Variants in PDE4D observed in about 807,000 individuals in gnomAD.
PDE4D encodes 3',5'-cyclic-AMP phosphodiesterase 4D.
In PDE4D, 24 loss-of-function variants were observed where a neutral mutation model predicts 87.4. The observed-to-expected ratio is 0.27, with a 90% CI of 0.20 to 0.39. The LOEUF is 0.39. PDE4D is among the 10% of genes least tolerant of loss of function. The pLI, the probability that PDE4D is intolerant of heterozygous loss-of-function variation, is 1.00. For missense variants in PDE4D, 714 were observed against 1,041.0 expected (o/e 0.69, Z 4.32); for synonymous variants, 384 against 383.2 (o/e 1.00, Z -0.02).
chr5:59,376,264 C>G (rs191769061), intron 1 of PDE4D, among the ~76,000 whole-genome samples: 1 of 152,132 alleles, frequency 6.6e-6, no homozygotes, highest in African/African-American at 2.4e-5. Context: ...GCAGATTACA[C>G]GATCCTATAT....
At chr5:60,160,715 C>T (rs957731462) in intron 2 of PDE4D, 7 of 390,512 alleles carry the variant, frequency 1.8e-5, no homozygotes, top group Admixed American at 9.9e-5. Context: ...GTTCTATGGA[C>T]TCTTACTTTT....
chr5:60,045,238 G>C (rs1769066787), intron 2 of PDE4D, among the ~76,000 whole-genome samples: 2 of 151,986 alleles, frequency 1.3e-5, no homozygotes, highest in South Asian at 4.2e-4. Flanking sequence ...ATTTGTTTGA[G>C]TTCATTGTAG....
intron 1 of PDE4D, among the ~76,000 whole-genome samples, chr5:59,469,671 T>C (rs970311381): frequency 2.0e-5 from 3 of 152,128 alleles, no homozygotes; most frequent in Admixed American, 1.3e-4. Context: ...ACTTCCTCCA[T>C]AGGAAATGAT....
chr5:59,748,390 T>C (rs1015227265), intron 1 of PDE4D, among the ~76,000 whole-genome samples: 1 of 152,104 alleles, frequency 6.6e-6, no homozygotes, highest in Non-Finnish European at 1.5e-5. Context: ...AGCAAAGACT[T>C]GGAACCAACC....
chr5:59,192,052 G>T (rs551969477), intron 3 of PDE4D, among the ~76,000 whole-genome samples: 2 of 152,038 alleles, frequency 1.3e-5, no homozygotes, highest in Non-Finnish European at 2.9e-5. Flanking sequence ...AAAGGATGGT[G>T]ATTGTATTTT....
chr5:59,838,860 G>A (rs940525287), intron 1 of PDE4D, among the ~76,000 whole-genome samples: 2 of 151,972 alleles, frequency 1.3e-5, no homozygotes, highest in Non-Finnish European at 2.9e-5. Flanking sequence ...ACAAACAGAT[G>A]TCTATTCTTT....
Position 59,090,426 on chromosome 5 carries a change from C to T in PDE4D, c.809-51455G>A, listed in dbSNP as rs538679071. Among the ~76,000 whole-genome samples, 7 of 152,168 alleles carry T rather than the reference C, an allele frequency of 4.6e-5. No individual in the cohort carries two copies. In the South Asian group the frequency reaches 1.5e-3, roughly 32 times the overall value. On this transcript the variant is annotated intron_variant, in intron 5 of 14. Transcript: ENST00000340635. ...CTCCACAGGGAGATATGTTTCCTCC[C>T]GTGATATAGAGGATGTTGATTCACT...
chr5:60,036,151 C>T (rs1305286717), intron 2 of PDE4D, among the ~76,000 whole-genome samples: 5 of 152,118 alleles, frequency 3.3e-5, no homozygotes, highest in Non-Finnish European at 7.4e-5. Flanking sequence ...TTCATGTGAA[C>T]CTGATAGATT....
chr5:59,266,555 C>T lies in PDE4D; in HGVS notation c.456-50587G>A, dbSNP rs75490393. 9.1e-4 allele frequency among the ~76,000 whole-genome samples: 138 copies of T among 151,802 alleles called. 1 individual carries two copies. In the East Asian group the frequency reaches 0.017, roughly 19 times the overall value. On this transcript the variant is annotated intron_variant, in intron 1 of 14. Coordinates refer to ENST00000340635, the MANE Select transcript of PDE4D (RefSeq NM_001104631.2). ...AGAGGAAGAGAGTCAATAAGCTGAACGAGTCAGGAACTAGCTAGATCTCCA... is the reference window on the plus strand; with the variant it reads ...AGAGGAAGAGAGTCAATAAGCTGAATGAGTCAGGAACTAGCTAGATCTCCA...
intron 2 of PDE4D, among the ~76,000 whole-genome samples, chr5:60,008,193 C>T (rs1246363237): frequency 6.6e-6 from 1 of 151,882 alleles, no homozygotes; most frequent in African/African-American, 2.4e-5. Context: ...TCTCTCCAAC[C>T]CCAACCTTGT....
At chr5:59,038,723 TA>T in intron 6 of PDE4D, 135 bp downstream of exon 6, 1 of 789,572 alleles carries the variant, frequency 1.3e-6, no homozygotes, top group Non-Finnish European at 1.8e-6. Flanking sequence ...AACCTCCCTC[TA>T]AGGAGCAGAA....
rs144883368 is a variant in PDE4D, at chr5:60,197,187, T to C, written c.-89-11500A>G. Reference sequence around the variant, plus strand: ...GGTGAGAGTGAGGAATAGTGAGAAATTGAGAAAGACAATCCATGTTATAGA... The same window carrying C: ...GGTGAGAGTGAGGAATAGTGAGAAACTGAGAAAGACAATCCATGTTATAGA... On this transcript the variant is annotated intron_variant, in intron 1 of 16. Coordinates refer to the PDE4D transcript ENST00000502484. Among the ~76,000 whole-genome samples the C allele has an allele frequency of 6.1e-3, 921 of 151,422 alleles. 32 individuals carry two copies. Among genetic ancestry groups the C allele is most frequent in the Non-Finnish European group, 0.011 (730 of 67,618 alleles).
intron 1 of PDE4D, among the ~76,000 whole-genome samples, chr5:59,216,175 G>C (rs1751214018): frequency 6.6e-6 from 1 of 152,172 alleles, no homozygotes; most frequent in Non-Finnish European, 1.5e-5. Flanking sequence ...GGATACTGTT[G>C]TTAACTGACC....
chr5:60,471,251 T>C lies in PDE4D; in HGVS notation c.-90+16691A>G, dbSNP rs185820806. 5.3e-5 allele frequency among the ~76,000 whole-genome samples: 8 copies of C among 152,264 alleles called. No individual in the cohort carries two copies. In the East Asian group the frequency reaches 1.5e-3, roughly 29 times the overall value. On this transcript the variant is annotated intron_variant, in intron 1 of 16. Transcript: ENST00000502484. ...TAGAAGTGGAGCCTGAAGATGTGAT[T>C]GAATTTCTGCAATCCCATGATAAAA...
intron 1 of PDE4D, among the ~76,000 whole-genome samples, chr5:59,487,628 A>G (rs982179168): frequency 6.6e-6 from 1 of 152,222 alleles, no homozygotes; most frequent in Non-Finnish European, 1.5e-5. Context: ...ATAAACTAAG[A>G]TAGCACTAAT....
chr5:60,455,765 C>T (rs1746423360), intron 1 of PDE4D, among the ~76,000 whole-genome samples: 1 of 152,100 alleles, frequency 6.6e-6, no homozygotes. Context: ...GCATTAGAGT[C>T]CAGAGAACAA....
At chr5:59,174,580 T>C (rs1783530314) in intron 5 of PDE4D, 1 of 152,572 alleles carries the variant, frequency 6.6e-6, no homozygotes, top group Non-Finnish European at 1.5e-5. Flanking sequence ...TCAAAATAGC[T>C]ATAACTACAG....
chr5:59,598,603 A>G (rs1827045044), intron 1 of PDE4D, among the ~76,000 whole-genome samples: 1 of 151,996 alleles, frequency 6.6e-6, no homozygotes, highest in Non-Finnish European at 1.5e-5. Context: ...AGGGTTGAAT[A>G]TTTTTTGCTC....
intron 1 of PDE4D, among the ~76,000 whole-genome samples, chr5:60,240,768 C>A (rs1244597723): frequency 6.6e-6 from 1 of 152,094 alleles, no homozygotes; most frequent in Non-Finnish European, 1.5e-5. Context: ...GGATCTTATG[C>A]AAGAATACCA....
Sources: allele counts gnomAD v4.1 joint callset (sites outside exome capture counted in the v4.1 genomes callset), GRCh38; gene constraint gnomAD v4.1.1; transcripts MANE v1.5; gene names NCBI Gene and HGNC (gene_info 2026-07-23, HGNC 2026-07-21).